The following KIRREL3 variants were observed in gnomAD, a reference collection of about 807,000 sequenced individuals.
The protein encoded by KIRREL3 is kin of IRRE-like protein 3.
KIRREL3 carries 36 observed loss-of-function variants against 89.7 expected under a neutral mutation model. That is an observed-to-expected ratio of 0.40 (90% CI 0.31 to 0.53). The LOEUF (loss-of-function observed/expected upper bound fraction) is 0.53, where lower values mean the gene tolerates loss of function less well. Among genes scored for constraint, KIRREL3 ranks in the 20% least tolerant of loss-of-function variants. The pLI is 0.49. For synonymous variants in KIRREL3, 445 were observed against 441.4 expected (o/e 1.01, Z -0.10); for missense variants, 864 against 1,056.6 (o/e 0.82, Z 2.53).
intron 4 of KIRREL3, among the ~76,000 whole-genome samples, chr11:126,488,156 T>A (rs920805232): frequency 8.5e-5 from 13 of 152,228 alleles, no homozygotes; most frequent in African/African-American, 3.1e-4. Context: ...TGAGACCTAT[T>A]CACCGGGGCA....
At position 126,578,943 on chromosome 11, in the gene KIRREL3, G is replaced by A. The variant is rs970115178; in HGVS notation, c.56-16031C>T. The stretch of plus-strand genomic sequence containing the variant: ...TTATCCTCACCATGCCTAGAGATGG[G>A]ACTTTGTCTCCATGTGACTTATGAA... On this transcript the variant is annotated intron_variant, in intron 1 of 16. Coordinates refer to ENST00000525144, the MANE Select transcript of KIRREL3 (RefSeq NM_032531.4). This position sits in a 1 kb window ranked among gnomAD's most constrained non-coding sequence, Gnocchi z 4.9. Among the ~76,000 whole-genome samples the A allele has an allele frequency of 5.3e-5, 8 of 152,216 alleles. No individual in the cohort carries two copies. The highest frequency in any genetic ancestry group is 3.4e-3 in the Middle Eastern group (1 of 294).
rs1248924778 is a variant in KIRREL3 at position 126,870,664 on chromosome 11, C to T, written c.55+129791G>A. ...TCGTTTCCAATTCCACTCATGGCCG[C>T]CATCTATTTGCACAGCTCATCTGGG... On this transcript the variant is annotated intron_variant, in intron 1 of 16. Transcript: ENST00000525144. This position sits in a 1 kb window ranked among gnomAD's most constrained non-coding sequence, Gnocchi z 4.4. Among the ~76,000 whole-genome samples, 1 of 152,170 alleles carries T rather than the reference C, an allele frequency of 6.6e-6. No individual in the cohort carries two copies. The highest frequency in any genetic ancestry group is 1.5e-5 in the Non-Finnish European group (1 of 68,030).
At chr11:126,434,225 C>T (rs55877696) in intron 13 of KIRREL3, among the ~76,000 whole-genome samples, 16,641 of 152,286 alleles carry the variant, frequency 0.11, 1,099 homozygotes, top group East Asian at 0.2. Flanking sequence ...GCTGTCCCCA[C>T]TCAGCCTCCC....
In KIRREL3 at chr11:126,910,038, C is replaced by T. The variant is rs559448367; in HGVS notation, c.55+90417G>A. 3.3e-5 allele frequency among the ~76,000 whole-genome samples: 5 copies of T among 152,244 alleles called. No homozygotes were observed. In the South Asian group the frequency reaches 1.0e-3, roughly 32 times the overall value. ...AACATTTCAGAGTCATTAAAATCAGCCTAAATTGTCTATCTGAACTCAAAG... is the reference window on the plus strand; with the variant it reads ...AACATTTCAGAGTCATTAAAATCAGTCTAAATTGTCTATCTGAACTCAAAG... On this transcript the variant is annotated intron_variant, in intron 1 of 16. Coordinates refer to ENST00000525144, the MANE Select transcript of KIRREL3 (RefSeq NM_032531.4).
At chr11:126,958,674 A>AT (rs1176849272) in intron 1 of KIRREL3, among the ~76,000 whole-genome samples, 3 of 152,200 alleles carry the variant, frequency 2.0e-5, no homozygotes, top group Non-Finnish European at 4.4e-5. Flanking sequence ...AATCATGATA[A>AT]CCTGTGCACA....
chr11:127,001,574 G>A (rs940488616), upstream of KIRREL3, among the ~76,000 whole-genome samples: 3 of 152,080 alleles, frequency 2.0e-5, no homozygotes, highest in African/African-American at 7.2e-5. Context: ...GAGTCCAATT[G>A]CAAAGGAGAG....
rs564914646 is a variant in KIRREL3, at chr11:126,594,626, T to C, written c.56-31714A>G. 8.6e-5 allele frequency among the ~76,000 whole-genome samples: 13 copies of C among 151,618 alleles called. No homozygotes were observed. Among genetic ancestry groups the C allele is most frequent in the African/African-American group, 3.2e-4 (13 of 40,918 alleles). ...TGGGCCTCAGAGGCCTCATGAGTGGTGCCTTTAAGAGTGCAATGAGGCCGC... is the reference window on the plus strand; with the variant it reads ...TGGGCCTCAGAGGCCTCATGAGTGGCGCCTTTAAGAGTGCAATGAGGCCGC... On this transcript the variant is annotated intron_variant, in intron 1 of 16. Coordinates refer to ENST00000525144, the MANE Select transcript of KIRREL3 (RefSeq NM_032531.4). This position sits in a 1 kb window ranked among gnomAD's most constrained non-coding sequence, Gnocchi z 5.0.
rs935411083 is a variant in KIRREL3, at chr11:126,576,991, C to T, written c.56-14079G>A. ...ATGAGAAAACTGAGGCTGAGAGAGGCTCAAGGGCTCCCATAACTGAAGACC... is the reference window on the plus strand; with the variant it reads ...ATGAGAAAACTGAGGCTGAGAGAGGTTCAAGGGCTCCCATAACTGAAGACC... On this transcript the variant is annotated intron_variant, in intron 1 of 16. Coordinates refer to ENST00000525144, the MANE Select transcript of KIRREL3 (RefSeq NM_032531.4). This position sits in a 1 kb window ranked among gnomAD's most constrained non-coding sequence, Gnocchi z 5.4. 3.3e-5 allele frequency among the ~76,000 whole-genome samples: 5 copies of T among 152,162 alleles called. No homozygotes were observed. The highest frequency in any genetic ancestry group is 1.2e-4 in the African/African-American group (5 of 41,436).
Position 126,708,790 on chromosome 11 carries a change from C to T in KIRREL3, c.56-145878G>A, listed in dbSNP as rs760895150. On this transcript the variant is annotated intron_variant, in intron 1 of 16. Coordinates refer to ENST00000525144, the MANE Select transcript of KIRREL3 (RefSeq NM_032531.4). The surrounding 1 kb of genome is among the most constrained non-coding windows in gnomAD (Gnocchi z 5.7). ...TTTCCTCCCTCCGCTCTCCAGCTCC[C>T]GTTCCTACCAAATGCACCAATCATC... Among the ~76,000 whole-genome samples the T allele has an allele frequency of 1.1e-4, 17 of 152,308 alleles. No individual in the cohort carries two copies. Among genetic ancestry groups the T allele is most frequent in the Non-Finnish European group, 2.2e-4 (15 of 68,030 alleles).
In KIRREL3 at chr11:126,622,789, C is replaced by T. The variant is rs1334851982; in HGVS notation, c.56-59877G>A. 6.6e-6 allele frequency among the ~76,000 whole-genome samples: 1 copy of T among 152,182 alleles called. No individual in the cohort carries two copies. Among genetic ancestry groups the T allele is most frequent in the Non-Finnish European group, 1.5e-5 (1 of 68,036 alleles). On this transcript the variant is annotated intron_variant, in intron 1 of 16. Coordinates refer to ENST00000525144, the MANE Select transcript of KIRREL3 (RefSeq NM_032531.4). The surrounding 1 kb of genome is among the most constrained non-coding windows in gnomAD (Gnocchi z 5.2). ...CTCTAAAAGGAGAAAATAATCACAC[C>T]AGCTACACTTTTTACAGTGCTAACT...
At position 126,976,514 on chromosome 11, in the gene KIRREL3, C is replaced by T. The variant is rs184114852; in HGVS notation, c.55+23941G>A. On this transcript the variant is annotated intron_variant, in intron 1 of 16. Coordinates refer to ENST00000525144, the MANE Select transcript of KIRREL3 (RefSeq NM_032531.4). The surrounding 1 kb of genome is among the most constrained non-coding windows in gnomAD (Gnocchi z 4.2). ...AAAAAGTGTGACATTTTTCCAGACT[C>T]TCCTATTTTGCAGTATTTCTTGACT... Among the ~76,000 whole-genome samples the T allele has an allele frequency of 1.6e-3, 238 of 152,240 alleles. 1 individual carries two copies. Among genetic ancestry groups the T allele is most frequent in the Middle Eastern group, 3.4e-3 (1 of 294 alleles).
At position 126,564,125 on chromosome 11, in the gene KIRREL3, C is replaced by T. The variant is rs1334508657; in HGVS notation, c.56-1213G>A. The stretch of plus-strand genomic sequence containing the variant: ...CCTTGCCAGGGTTTCTGGGCTCCTC[C>T]CTGCTCCTTCCTTTGATTTCTCAGA... On this transcript the variant is annotated intron_variant, in intron 1 of 16. Coordinates refer to ENST00000525144, the MANE Select transcript of KIRREL3 (RefSeq NM_032531.4). This position sits in a 1 kb window ranked among gnomAD's most constrained non-coding sequence, Gnocchi z 7.4. Among the ~76,000 whole-genome samples the T allele has an allele frequency of 6.6e-6, 1 of 152,266 alleles. No individual in the cohort carries two copies. Among genetic ancestry groups the T allele is most frequent in the Non-Finnish European group, 1.5e-5 (1 of 68,052 alleles).
At chr11:126,759,742 C>T (rs551361608) in intron 1 of KIRREL3, among the ~76,000 whole-genome samples, 1 of 152,314 alleles carries the variant, frequency 6.6e-6, no homozygotes, top group African/African-American at 2.4e-5. Context: ...TAACATCTTG[C>T]ACCCATTTCT....
chr11:126,986,176 G>C (rs1369810533), intron 1 of KIRREL3, among the ~76,000 whole-genome samples: 1 of 152,094 alleles, frequency 6.6e-6, no homozygotes, highest in Non-Finnish European at 1.5e-5. Flanking sequence ...TTGGTTGCTG[G>C]GTTCATCAGC....
rs1365927529 is a variant in KIRREL3 at position 126,768,221 on chromosome 11, CCATT to C, written c.56-205313_56-205310del. 0.01 allele frequency among the ~76,000 whole-genome samples: 1,470 copies of C among 142,266 alleles called. 36 individuals carry two copies. Among genetic ancestry groups the C allele is most frequent in the African/African-American group, 0.037 (1,413 of 38,398 alleles). 93.3% of individuals were successfully genotyped at this position (142,266 alleles called of 152,430 possible). A position where few individuals can be genotyped will look rare whatever the true frequency, so the allele number is the denominator to read the frequency against. On this transcript the variant is annotated intron_variant, in intron 1 of 16. Coordinates refer to ENST00000525144, the MANE Select transcript of KIRREL3 (RefSeq NM_032531.4). The surrounding 1 kb of genome is among the most constrained non-coding windows in gnomAD (Gnocchi z 4.5). Reference sequence around the variant, plus strand: ...TCCATCCATCCATCCATCCATCCATCCATTCAATCTGTCCATCTGTCCATCCATA... The same window carrying C: ...TCCATCCATCCATCCATCCATCCATCCAATCTGTCCATCTGTCCATCCATA...
At chr11:126,702,553 C>T (rs754925055) in intron 1 of KIRREL3, among the ~76,000 whole-genome samples, 2 of 152,172 alleles carry the variant, frequency 1.3e-5, no homozygotes, top group Non-Finnish European at 2.9e-5. Context: ...TTCCTCTCAC[C>T]GTGGAGCCCT....
chr11:126,975,017 C>T (rs1020966959), intron 1 of KIRREL3, among the ~76,000 whole-genome samples: 1 of 152,062 alleles, frequency 6.6e-6, no homozygotes, highest in African/African-American at 2.4e-5. Flanking sequence ...CACCATGTTG[C>T]CTAGGCTGGT....
chr11:126,903,172 T>C lies in KIRREL3; in HGVS notation c.55+97283A>G, dbSNP rs972363193. Among the ~76,000 whole-genome samples, 2 of 152,194 alleles carry C rather than the reference T, an allele frequency of 1.3e-5. No homozygotes were observed. The highest frequency in any genetic ancestry group is 2.9e-5 in the Non-Finnish European group (2 of 68,030). Reference sequence around the variant, plus strand: ...ATGCTTCTGATTTAAGAAATTATTATAGAAAAATGCTGGAAGCCTTGTAGT... The same window carrying C: ...ATGCTTCTGATTTAAGAAATTATTACAGAAAAATGCTGGAAGCCTTGTAGT... On this transcript the variant is annotated intron_variant, in intron 1 of 16. Transcript: ENST00000525144. This position sits in a 1 kb window ranked among gnomAD's most constrained non-coding sequence, Gnocchi z 4.5.
Position 127,000,640 on chromosome 11 carries a change from C to A in KIRREL3, c.-131G>T. 1 of 884,098 alleles carries A rather than the reference C, an allele frequency of 1.1e-6. No individual in the cohort carries two copies. The allele number at this position is 884,098 out of a possible 1,614,324, so 54.8% of individuals were successfully genotyped here. On this transcript the variant is annotated 5_prime_UTR_variant, in exon 1 of 17. Coordinates refer to ENST00000525144, the MANE Select transcript of KIRREL3 (RefSeq NM_032531.4). The surrounding 1 kb of genome is among the most constrained non-coding windows in gnomAD (Gnocchi z 7.1). ...GCCTACCATCTGTCCGTCCGTGGGT[C>A]CCTCCGGGTGGCTTCGGTCTCTTTG...
Sources: gnomAD v4.1 joint callset for allele counts (sites outside exome capture counted in the v4.1 genomes callset) on GRCh38, gnomAD v4.1.1 for gene constraint, Gnocchi (gnomAD v3.1) non-coding constraint, MANE v1.5 for transcripts, NCBI Gene and HGNC (gene_info 2026-07-23, HGNC 2026-07-21) for gene names.